The following RGS3 variants were observed in gnomAD, a reference collection of about 807,000 sequenced individuals.
RGS3 encodes regulator of G-protein signalling 3.
In RGS3, 80 loss-of-function variants were observed where a neutral mutation model predicts 132.6. The observed-to-expected ratio is 0.60, with a 90% CI of 0.50 to 0.73. The LOEUF (loss-of-function observed/expected upper bound fraction) is 0.73. RGS3 is among the 30% of genes least tolerant of loss of function. The pLI is 0.00. For synonymous variants in RGS3, 598 were observed against 620.6 expected, an observed-to-expected ratio of 0.96 and a Z score of 0.54; for missense variants, 1,382 against 1,530.8, an observed-to-expected ratio of 0.90 and a Z score of 1.62.
In RGS3 at chr9:113,585,066, GTATT is replaced by G. The variant is rs1484488931; in HGVS notation, c.3015+643_3015+646del. Among the ~76,000 whole-genome samples the G allele has an allele frequency of 1.1e-4, 17 of 152,340 alleles. No individual in the cohort carries two copies. In the East Asian group the frequency reaches 3.3e-3, roughly 29 times the overall value. On this transcript the variant is annotated intron_variant, in intron 20 of 24. Transcript: ENST00000350696. ...TGAATATTTATATGTAGATGAATAAGTATTTATGGATTTCCTGCTGTGTACCAGG... is the reference window on the plus strand; with the variant it reads ...TGAATATTTATATGTAGATGAATAAGTATGGATTTCCTGCTGTGTACCAGG...
At position 113,509,696 on chromosome 9, in the gene RGS3, C is replaced by T. The variant is rs555844496; in HGVS notation, c.1477+1116C>T. Among the ~76,000 whole-genome samples, 4 of 152,254 alleles carry T rather than the reference C, an allele frequency of 2.6e-5. No homozygotes were observed. In the South Asian group the frequency reaches 8.3e-4, roughly 32 times the overall value. ...ACAGTGGCTTTTGCTTAGCCACTCA[C>T]AGACTTGCTTCCTTGCTGTTCCCCT... On this transcript the variant is annotated intron_variant, in intron 14 of 24. Coordinates refer to ENST00000350696, the Ensembl canonical transcript of RGS3.
At chr9:113,593,949 C>G (rs564456043) in intron 21 of RGS3, 2 of 1,612,686 alleles carry the variant, frequency 1.2e-6, no homozygotes, top group African/African-American at 2.7e-5. Flanking sequence ...TCACAAATAG[C>G]TGGGACTGGC....
At chr9:113,560,608 G>A (rs1457180032) in intron 19 of RGS3, among the ~76,000 whole-genome samples, 1 of 152,214 alleles carries the variant, frequency 6.6e-6, no homozygotes, top group Admixed American at 6.5e-5. Flanking sequence ...GCACAGAGCA[G>A]GGATTCAGTG....
chr9:113,501,702 G>C, intron 10 of RGS3: 1 of 1,425,916 alleles, frequency 7.0e-7, no homozygotes, highest in Non-Finnish European at 9.6e-7. Flanking sequence ...ATCTGAGAAG[G>C]ATCTCGCTCC....
intron 18 of RGS3, 46 bp from the exon 17 acceptor site, chr9:113,536,750 A>G: frequency 6.3e-7 from 1 of 1,594,820 alleles, no homozygotes; most frequent in Non-Finnish European, 8.6e-7. Flanking sequence ...CCCCTGAACC[A>G]GGGAGCAGCC....
chr9:113,595,051 T>C (rs1007521912), intron 23 of RGS3, 71 bp downstream of exon 21: 2 of 1,457,140 alleles, frequency 1.4e-6, no homozygotes, highest in Non-Finnish European at 9.6e-7. Flanking sequence ...CCAGACCCTG[T>C]GTAGCTGGTG....
In RGS3 at chr9:113,463,839, C is replaced by T. The variant is rs1438219946; in HGVS notation, c.415+1638C>T. 3 of 1,613,062 alleles carry T rather than the reference C, an allele frequency of 1.9e-6. No individual in the cohort carries two copies. Among genetic ancestry groups the T allele is most frequent in the Non-Finnish European group, 2.5e-6 (3 of 1,179,796 alleles). On this transcript the variant is annotated intron_variant, in intron 3 of 24. Transcript: ENST00000350696. This position sits in a 1 kb window ranked among gnomAD's most constrained non-coding sequence, Gnocchi z 4.6. ...CCTGCACCGCGTCTCCCTCGGGAGCCGGCGTGCCCACCCGGACTTGTCCTT... is the reference window on the plus strand; with the variant it reads ...CCTGCACCGCGTCTCCCTCGGGAGCTGGCGTGCCCACCCGGACTTGTCCTT...
At position 113,596,863 on chromosome 9, in the gene RGS3, G is replaced by T. The variant is rs147138496; in HGVS notation, c.3507G>T (p.Gly1169=). Residue 1169 remains glycine (G), a synonymous_variant, in exon 25 of 25, where the codon GGG becomes GGT. Coordinates refer to ENST00000350696, the Ensembl canonical transcript of RGS3. ...ACCTGGCACAGAAGCGCATCTTCGG[G>T]CTCATGGAAAAGGACTCGTACCCTC... 6 of 1,613,852 alleles carry T rather than the reference G, an allele frequency of 3.7e-6. No homozygotes were observed. In the East Asian group the frequency reaches 1.3e-4, roughly 36 times the overall value.
intron 14 of RGS3, among the ~76,000 whole-genome samples, chr9:113,514,106 G>A (rs954245613): frequency 1.3e-5 from 2 of 152,172 alleles, no homozygotes; most frequent in Non-Finnish European, 2.9e-5. Context: ...AAATATGAGC[G>A]ATTTCTTGAT....
chr9:113,463,054 C>T lies in RGS3; in HGVS notation c.415+853C>T, dbSNP rs1829514161. On this transcript the variant is annotated intron_variant, in intron 3 of 24. Transcript: ENST00000350696. The surrounding 1 kb of genome is among the most constrained non-coding windows in gnomAD (Gnocchi z 4.6). Reference sequence around the variant, plus strand: ...CACCAGGCTGGGGGATTCACCCACCCCACTCCGTTTCCTGTGCGTTCCTCT... The same window carrying T: ...CACCAGGCTGGGGGATTCACCCACCTCACTCCGTTTCCTGTGCGTTCCTCT... Among the ~76,000 whole-genome samples the T allele has an allele frequency of 6.6e-6, 1 of 152,196 alleles. No homozygotes were observed. The highest frequency in any genetic ancestry group is 1.5e-5 in the Non-Finnish European group (1 of 68,022).
rs776471364 is a variant in RGS3, at chr9:113,461,814, C to T, written c.188C>T (p.Pro63Leu). Residue 63 changes from proline to leucine, a missense_variant, in exon 2 of 25, where the codon CCC (proline) becomes CTC (leucine). Physicochemically the swap from Pro to Leu is moderately conservative, Grantham distance 98. Coordinates refer to ENST00000350696, the Ensembl canonical transcript of RGS3. ...GCCTCTGGAGCCCAAGATAGTCTCC[C>T]CTTTGGGAGGAGGCTCTACAGTGGT... The T allele has an allele frequency of 4.3e-6, 7 of 1,614,158 alleles. No individual in the cohort carries two copies. The Admixed American group carries it at 6.7e-5, about 15-fold the overall frequency.
chr9:113,463,782 T>C lies in RGS3; in HGVS notation c.415+1581T>C, dbSNP rs1306948818. Reference sequence around the variant, plus strand: ...CCGCCTCGGGTTGCAGACGCTCCTGTCCGGGTCGCAGTGGGACGCCATGGA... The same window carrying C: ...CCGCCTCGGGTTGCAGACGCTCCTGCCCGGGTCGCAGTGGGACGCCATGGA... On this transcript the variant is annotated intron_variant, in intron 3 of 24. Coordinates refer to ENST00000350696, the Ensembl canonical transcript of RGS3. The surrounding 1 kb of genome is among the most constrained non-coding windows in gnomAD (Gnocchi z 4.6). 1 of 1,601,746 alleles carries C rather than the reference T, an allele frequency of 6.2e-7. No individual in the cohort carries two copies. The highest frequency in any genetic ancestry group is 2.3e-5 in the East Asian group (1 of 44,364).
At position 113,537,006 on chromosome 9, in the gene RGS3, C is replaced by A; in HGVS notation, c.2037+88C>A. The A allele has an allele frequency of 7.7e-7, 1 of 1,301,162 alleles. No homozygotes were observed. The highest frequency in any genetic ancestry group is 1.1e-6 in the Non-Finnish European group (1 of 935,216). The allele number at this position is 1,301,162 out of a possible 1,614,324, so 80.6% of individuals were successfully genotyped here. ...TTGAGCCTCTGCATTGAGCTGGGGG[C>A]CAGCCTGAGCTTCCAACTTGGCTCT... On this transcript the variant is annotated intron_variant, in intron 19 of 24. Coordinates refer to ENST00000350696, the Ensembl canonical transcript of RGS3. This position sits in a 1 kb window ranked among gnomAD's most constrained non-coding sequence, Gnocchi z 4.3.
chr9:113,476,349 TTC>T (rs1330624484), intron 3 of RGS3, among the ~76,000 whole-genome samples: 1 of 152,118 alleles, frequency 6.6e-6, no homozygotes, highest in Admixed American at 6.5e-5. Context: ...GGCATGACCG[TTC>T]TGGCTACAAA....
At chr9:113,593,920 A>G (rs752447554) in intron 21 of RGS3, 1 of 1,563,544 alleles carries the variant, frequency 6.4e-7, no homozygotes, top group South Asian at 1.1e-5. Flanking sequence ...CCCTGCTGCC[A>G]TGGTAACGAG....
At chr9:113,517,463 G>T in intron 15 of RGS3, 78 bp from the exon 14 acceptor site, 4 of 1,216,408 alleles carry the variant, frequency 3.3e-6, no homozygotes, top group Non-Finnish European at 4.9e-6. Context: ...GGCTGGCTTT[G>T]ACAAGCTGCT....
chr9:113,508,612 G>A, intron 14 of RGS3, 32 bp downstream of exon 12: 11 of 1,608,868 alleles, frequency 6.8e-6, no homozygotes, highest in Non-Finnish European at 8.5e-6. Context: ...TGCCCTCCTA[G>A]CTCAGAGAGG....
At chr9:113,460,141 G>A (rs1829442426), upstream of RGS3, 1 of 995,622 alleles carries the variant, frequency 1.0e-6, no homozygotes, top group Admixed American at 5.1e-5. Flanking sequence ...CTATTTTACT[G>A]AACTTTTCAG....
intron 16 of RGS3, among the ~76,000 whole-genome samples, chr9:113,518,947 C>G (rs1831806297): frequency 6.6e-6 from 1 of 152,076 alleles, no homozygotes; most frequent in African/African-American, 2.4e-5. Context: ...TCATAAGAAG[C>G]CAGTTAGAGA....
Sources: allele counts gnomAD v4.1 joint callset (sites outside exome capture counted in the v4.1 genomes callset), GRCh38; gene constraint gnomAD v4.1.1; non-coding constraint Gnocchi (gnomAD v3.1); transcripts MANE v1.5; gene names NCBI Gene and HGNC (gene_info 2026-07-23, HGNC 2026-07-21).